The following ZNF143 variants were observed in gnomAD, a reference collection of about 807,000 sequenced individuals.
ZNF143 encodes the protein zinc finger protein 143, also known as SPH-binding factor.
Under a neutral mutation model 74.1 loss-of-function variants are expected in ZNF143, and 49 were observed. The observed-to-expected ratio is 0.66, with a 90% CI of 0.53 to 0.84. ZNF143 has a LOEUF of 0.84. Ranked by LOEUF, ZNF143 falls within the 40% of genes least tolerant of loss-of-function variation. The pLI is 0.00. For synonymous variants in ZNF143, 304 were observed against 282.8 expected, an observed-to-expected ratio of 1.07 and a Z score of -0.75; for missense variants, 637 against 793.4, an observed-to-expected ratio of 0.80 and a Z score of 2.37.
At chr11:9,508,880 G>T (rs541334358) in intron 12 of ZNF143, 34 bp downstream of exon 12, 1 of 1,540,760 alleles carries the variant, frequency 6.5e-7, no homozygotes, top group East Asian at 2.4e-5. Context: ...TTGTTTCTGA[G>T]TTTGAGAATC....
chr11:9,491,910 T>A (rs976146219), intron 7 of ZNF143, among the ~76,000 whole-genome samples: 1 of 151,958 alleles, frequency 6.6e-6, no homozygotes, highest in Non-Finnish European at 1.5e-5. Flanking sequence ...GATTATAGGC[T>A]TGAGCCACTG....
intron 14 of ZNF143, among the ~76,000 whole-genome samples, chr11:9,522,886 C>G (rs144917468): frequency 1.3e-5 from 2 of 151,812 alleles, no homozygotes; most frequent in African/African-American, 4.8e-5. Context: ...CTCAGCCTCC[C>G]GAGTAGCTGG....
chr11:9,496,405 T>C (rs1460959172), intron 9 of ZNF143, 27 bp downstream of exon 9: 1 of 1,605,324 alleles, frequency 6.2e-7, no homozygotes, highest in South Asian at 1.1e-5. Context: ...TGTTTTTTTC[T>C]TGGTTCCAAT....
intron 10 of ZNF143, 116 bp from the exon 11 acceptor site, chr11:9,500,975 C>T (rs972778917): frequency 4.7e-6 from 6 of 1,267,582 alleles, no homozygotes; most frequent in Non-Finnish European, 6.6e-6. Context: ...GAAAGGGAAG[C>T]TCAGCACAAG....
In ZNF143 at chr11:9,482,293, C is replaced by T. The variant is rs184346053; in HGVS notation, c.645+2747C>T. 9.1e-5 allele frequency among the ~76,000 whole-genome samples: 8 copies of T among 87,708 alleles called. 1 individual carries two copies. Among genetic ancestry groups the T allele is most frequent in the Non-Finnish European group, 1.4e-4 (6 of 44,274 alleles). 57.5% of individuals were successfully genotyped at this position (87,708 alleles called of 152,430 possible). On this transcript the variant is annotated intron_variant, in intron 7 of 15. Transcript: ENST00000396602. ...CCCCAACTCTTTTTTTTTTTTAAGA[C>T]GGTGTCTCGCTCTGTCGCCCAGGCT... is the stretch of plus-strand genomic sequence containing the variant.
chr11:9,480,860 C>G (rs1197935932), intron 7 of ZNF143, among the ~76,000 whole-genome samples: 1 of 149,428 alleles, frequency 6.7e-6, no homozygotes, highest in African/African-American at 2.5e-5. Flanking sequence ...GCACTCCAGC[C>G]TGGGCAACAA....
chr11:9,514,336 A>T (rs912831590), intron 13 of ZNF143, among the ~76,000 whole-genome samples: 1 of 152,162 alleles, frequency 6.6e-6, no homozygotes, highest in Admixed American at 6.5e-5. Context: ...TCTACACTTA[A>T]CCTTCTCATT....
chr11:9,475,355 G>A (rs1443684888), intron 5 of ZNF143, among the ~76,000 whole-genome samples: 1 of 152,086 alleles, frequency 6.6e-6, no homozygotes, highest in Non-Finnish European at 1.5e-5. Context: ...GAATTCCTGG[G>A]CTCAAGGGGC....
At chr11:9,496,221 G>A in intron 8 of ZNF143, 82 bp from the exon 9 acceptor site, 1 of 1,211,882 alleles carries the variant, frequency 8.3e-7, no homozygotes, top group African/African-American at 1.5e-5. Flanking sequence ...TTAGCAGTGT[G>A]GGAAAAAGTA....
At chr11:9,507,977 TCTG>T (rs998708615) in intron 11 of ZNF143, among the ~76,000 whole-genome samples, 5 of 152,234 alleles carry the variant, frequency 3.3e-5, no homozygotes, top group African/African-American at 1.2e-4. Flanking sequence ...TTTGAAATTT[TCTG>T]TAGTAAAAAG....
At chr11:9,463,245 A>G (rs752501232) in intron 1 of ZNF143, among the ~76,000 whole-genome samples, 5 of 152,226 alleles carry the variant, frequency 3.3e-5, no homozygotes, top group African/African-American at 7.2e-5. Context: ...GAACATTTGT[A>G]CGAAAGTTTT....
intron 7 of ZNF143, among the ~76,000 whole-genome samples, chr11:9,486,396 A>ATATATATAATATATT (rs1245802133): frequency 5.0e-4 from 6 of 11,916 alleles, no homozygotes; most frequent in African/African-American, 1.1e-3. Context: ...TAATATATAT[A>ATATATATAATATATT]ATATATTATA....
chr11:9,494,566 C>T (rs1242341723), intron 7 of ZNF143, 80 bp from the exon 8 acceptor site: 4 of 1,439,114 alleles, frequency 2.8e-6, no homozygotes, highest in Non-Finnish European at 3.8e-6. Context: ...CTACCTCTGC[C>T]TCCCCATGTG....
At chr11:9,469,356 C>T (rs1457477819) in intron 1 of ZNF143, among the ~76,000 whole-genome samples, 1 of 151,502 alleles carries the variant, frequency 6.6e-6, no homozygotes, top group Non-Finnish European at 1.5e-5. Context: ...CTCAGCCTCC[C>T]AAGTAGCTGG....
intron 1 of ZNF143, among the ~76,000 whole-genome samples, chr11:9,469,247 C>T (rs943511410): frequency 6.7e-6 from 1 of 148,468 alleles, no homozygotes; most frequent in Non-Finnish European, 1.5e-5. Context: ...TTACCACCCC[C>T]CCATACGGAG....
Position 9,508,651 on chromosome 11 carries a change from T to G in ZNF143, c.1180T>G (p.Cys394Gly), listed in dbSNP as rs1423734604. The change falls in exon 12 of 16, where the codon TGT (cysteine) becomes GGT (glycine). Residue 394 changes from cysteine (C) to glycine (G), a missense_variant. Around this residue, in one of 2 missense-constraint regions of ZNF143, gnomAD observed 344 missense variants for 485.6 expected, o/e 0.71. Coordinates refer to ENST00000396602, the MANE Select transcript of ZNF143 (RefSeq NM_003442.6). ...EKPYVCTVPG[C>G]DKRFTEYSSL... Reference sequence around the variant, plus strand: ...GCCATATGTTTGTACAGTTCCTGGGTGTGACAAAAGGTTTACAGAATATTC... The same window carrying G: ...GCCATATGTTTGTACAGTTCCTGGGGGTGACAAAAGGTTTACAGAATATTC... The G allele has an allele frequency of 1.2e-6, 2 of 1,613,490 alleles. No individual in the cohort carries two copies. The highest frequency in any genetic ancestry group is 1.7e-6 in the Non-Finnish European group (2 of 1,180,028).
rs1201789628 is a variant in ZNF143, at chr11:9,474,446, T to C, written c.290-104T>C. The C allele has an allele frequency of 6.2e-6, 7 of 1,123,944 alleles. No homozygotes were observed. In the African/African-American group the frequency reaches 9.3e-5, roughly 15 times the overall value. 69.6% of individuals were successfully genotyped at this position (1,123,944 alleles called of 1,614,324 possible). ...TGTTCAAAGACTCATGAAGCAAGTA[T>C]AGATTGTTATAATGTGTTAATGGTT... is the stretch of plus-strand genomic sequence containing the variant. On this transcript the variant is annotated intron_variant, in intron 4 of 15. Coordinates refer to ENST00000396602, the MANE Select transcript of ZNF143 (RefSeq NM_003442.6).
intron 11 of ZNF143, among the ~76,000 whole-genome samples, chr11:9,507,372 T>C (rs189780944): frequency 2.0e-5 from 3 of 152,314 alleles, no homozygotes; most frequent in Admixed American, 2.0e-4. Flanking sequence ...TTCTCCTTTT[T>C]CCACAGCTGG....
chr11:9,510,100 T>G (rs1848487632), intron 12 of ZNF143, among the ~76,000 whole-genome samples: 2 of 152,008 alleles, frequency 1.3e-5, no homozygotes, highest in Admixed American at 6.6e-5. Flanking sequence ...ATATTTCAGG[T>G]TATCAGAAGT....
Sources: gnomAD v4.1 joint callset for allele counts (sites outside exome capture counted in the v4.1 genomes callset) on GRCh38, gnomAD v4.1.1 for gene constraint, gnomAD v4.1.1 regional missense constraint, MANE v1.5 for transcripts, NCBI Gene and HGNC (gene_info 2026-07-23, HGNC 2026-07-21) for gene names.